WDFY2: variants seen among roughly 807,000 people sequenced by gnomAD.
WDFY2 encodes WD repeat and FYVE domain containing 2, also known as WD repeat and FYVE domain-containing protein 2.
A neutral mutation model predicts 56.4 loss-of-function variants in WDFY2; 36 were observed. The ratio of observed to expected loss-of-function variants is 0.64; its 90% CI spans 0.49 to 0.84. WDFY2 has a LOEUF of 0.84. WDFY2 is among the 40% of genes least tolerant of loss of function. WDFY2 has a pLI of 0.00. For synonymous variants in WDFY2, 176 were observed against 183.7 expected, an observed-to-expected ratio of 0.96 and a Z score of 0.34; for missense variants, 444 against 512.2, an observed-to-expected ratio of 0.87 and a Z score of 1.29.
In WDFY2 at chr13:51,675,197, C is replaced by T. The variant is rs777626138; in HGVS notation, c.233C>T (p.Pro78Leu). 22 of 1,613,702 alleles carry T rather than the reference C, an allele frequency of 1.4e-5. No homozygotes were observed. The highest frequency in any genetic ancestry group is 5.3e-5 in the African/African-American group (4 of 74,862). Residue 78 changes from proline to leucine, a missense_variant, in exon 3 of 12, where the codon CCG (proline) becomes CTG (leucine). Physicochemically the swap from Pro to Leu is moderately conservative, Grantham distance 98. Coordinates refer to ENST00000298125, the MANE Select transcript of WDFY2 (RefSeq NM_052950.4). The stretch of plus-strand genomic sequence containing the variant: ...CCATGTTCATGCATGTCTTTTAACC[C>T]GGAAACAAGAAGACTGTCCATAGGT... ...PSPCSCMSFN[P>L]ETRRLSIGLD...
At chr13:51,680,084 T>C (rs1278720986) in intron 3 of WDFY2, among the ~76,000 whole-genome samples, 1 of 151,922 alleles carries the variant, frequency 6.6e-6, no homozygotes, top group Non-Finnish European at 1.5e-5. Flanking sequence ...ACCACCATGC[T>C]TGGCTCATTT....
intron 4 of WDFY2, among the ~76,000 whole-genome samples, chr13:51,709,040 C>A (rs984773684): frequency 4.0e-5 from 6 of 151,816 alleles, no homozygotes; most frequent in African/African-American, 1.5e-4. Context: ...GAAATAGATA[C>A]AAGTTATAGA....
chr13:51,651,219 T>C (rs1955377845), intron 1 of WDFY2, among the ~76,000 whole-genome samples: 2 of 152,254 alleles, frequency 1.3e-5, no homozygotes, highest in Non-Finnish European at 2.9e-5. Flanking sequence ...TTTATAGTAT[T>C]CTCTGATAGT....
chr13:51,603,635 G>C (rs1030900262), intron 1 of WDFY2, among the ~76,000 whole-genome samples: 1 of 152,172 alleles, frequency 6.6e-6, no homozygotes, highest in African/African-American at 2.4e-5. Context: ...GCATTGTCTT[G>C]TAGCAAAAGC....
At chr13:51,609,168 A>G (rs921989672) in intron 1 of WDFY2, among the ~76,000 whole-genome samples, 3 of 152,226 alleles carry the variant, frequency 2.0e-5, no homozygotes, top group African/African-American at 7.2e-5. Context: ...GTATGCTTCA[A>G]TGCACTATTG....
At chr13:51,674,139 T>A (rs1162137845) in intron 2 of WDFY2, among the ~76,000 whole-genome samples, 1 of 152,178 alleles carries the variant, frequency 6.6e-6, no homozygotes, top group East Asian at 1.9e-4. Flanking sequence ...GTTTCCTATG[T>A]GACCTTGGGT....
intron 2 of WDFY2, among the ~76,000 whole-genome samples, chr13:51,661,031 C>T (rs892270204): frequency 3.3e-5 from 5 of 152,086 alleles, no homozygotes; most frequent in African/African-American, 1.2e-4. Context: ...TTGTCCTTGC[C>T]TTATTGTTAT....
chr13:51,734,190 C>T (rs555292023), intron 6 of WDFY2, among the ~76,000 whole-genome samples: 3 of 152,196 alleles, frequency 2.0e-5, no homozygotes, highest in East Asian at 1.9e-4. Flanking sequence ...TAACACTCCA[C>T]GTGGTCATTC....
intron 1 of WDFY2, among the ~76,000 whole-genome samples, chr13:51,616,480 G>C (rs1412141868): frequency 1.3e-5 from 2 of 152,154 alleles, no homozygotes; most frequent in Admixed American, 1.3e-4. Flanking sequence ...GCAATAACAG[G>C]TAACTCTTAA....
intron 4 of WDFY2, among the ~76,000 whole-genome samples, 185 bp from the exon 5 acceptor site, chr13:51,719,013 C>T (rs575268284): frequency 4.6e-5 from 7 of 152,080 alleles, no homozygotes; most frequent in Non-Finnish European, 8.8e-5. Flanking sequence ...CACTCAGACA[C>T]GCCTGTTTAA....
chr13:51,608,311 A>G (rs955305356), intron 1 of WDFY2, among the ~76,000 whole-genome samples: 9 of 152,170 alleles, frequency 5.9e-5, no homozygotes, highest in Admixed American at 4.6e-4. Context: ...AAAATCCCCT[A>G]TTTTTCCTCA....
chr13:51,593,003 T>G (rs1469206768), intron 1 of WDFY2, among the ~76,000 whole-genome samples: 4 of 152,356 alleles, frequency 2.6e-5, no homozygotes, highest in African/African-American at 9.6e-5. Context: ...AAAGAATTAC[T>G]GCTCATAGAT....
intron 4 of WDFY2, among the ~76,000 whole-genome samples, chr13:51,714,484 G>A (rs1311259777): frequency 6.6e-6 from 1 of 151,930 alleles, no homozygotes; most frequent in Non-Finnish European, 1.5e-5. Flanking sequence ...GTAGAGATGG[G>A]GTTTCACCAT....
chr13:51,699,151 A>G (rs1951932700), intron 3 of WDFY2, among the ~76,000 whole-genome samples: 1 of 152,206 alleles, frequency 6.6e-6, no homozygotes, highest in Non-Finnish European at 1.5e-5. Context: ...AAGGCCACAG[A>G]TCTGACTTCC....
chr13:51,668,218 A>G (rs1955747605), intron 2 of WDFY2, among the ~76,000 whole-genome samples: 1 of 152,118 alleles, frequency 6.6e-6, no homozygotes, highest in African/African-American at 2.4e-5. Flanking sequence ...GCTAATGGAA[A>G]TCCAAACTAA....
intron 2 of WDFY2, among the ~76,000 whole-genome samples, chr13:51,668,980 T>A (rs1955762037): frequency 6.6e-6 from 1 of 152,222 alleles, no homozygotes; most frequent in African/African-American, 2.4e-5. Flanking sequence ...ATCGAAATAT[T>A]TTGAGATTGC....
At chr13:51,588,631 A>G (rs1953988352) in intron 1 of WDFY2, 1 of 152,092 alleles carries the variant, frequency 6.6e-6, no homozygotes, top group Non-Finnish European at 1.5e-5. Flanking sequence ...TTCTTGTGAA[A>G]AAGCCTTTCC....
rs534523728 is a variant in WDFY2, at chr13:51,767,124, T to A, written c.*7355T>A. ...CAGGGAAAGCCTCATTTAAAACTTG[T>A]GAGGTTCATTTTATGGAGAAGAAAA... On this transcript the variant is annotated 3_prime_UTR_variant, in exon 12 of 12. Coordinates refer to ENST00000298125, the MANE Select transcript of WDFY2 (RefSeq NM_052950.4). The A allele has an allele frequency of 6.6e-6, 1 of 152,258 alleles. No homozygotes were observed. Among genetic ancestry groups the A allele is most frequent in the Non-Finnish European group, 1.5e-5 (1 of 68,056 alleles). 9.4% of individuals were successfully genotyped at this position (152,258 alleles called of 1,614,324 possible).
At chr13:51,669,571 G>A (rs953521320) in intron 2 of WDFY2, among the ~76,000 whole-genome samples, 4 of 152,028 alleles carry the variant, frequency 2.6e-5, no homozygotes, top group South Asian at 2.1e-4. Flanking sequence ...GACAGAAAAG[G>A]TAGATGAGAA....
Sources: gnomAD v4.1 joint callset for allele counts (sites outside exome capture counted in the v4.1 genomes callset) on GRCh38, gnomAD v4.1.1 for gene constraint, MANE v1.5 for transcripts, NCBI Gene and HGNC (gene_info 2026-07-23, HGNC 2026-07-21) for gene names.